Variants in DCAF8L2 observed in about 807,000 individuals in gnomAD.
DCAF8L2 encodes DDB1 and CUL4 associated factor 8 like 2, also known as DDB1- and CUL4-associated factor 8-like protein 2.
For missense variants in DCAF8L2, 430 were observed against 490.7 expected, an observed-to-expected ratio of 0.88 and a Z score of 1.17; for synonymous variants, 200 against 190.9, an observed-to-expected ratio of 1.05 and a Z score of -0.39.
At chrX:27,611,690 G>A (rs1157619621) in intron 1 of DCAF8L2, among the ~76,000 whole-genome samples, 2 of 109,502 alleles carry the variant, frequency 1.8e-5, no homozygotes, top group East Asian at 2.9e-4. Context: ...GAGAACATGC[G>A]ATGTTTGGTT....
chrX:27,559,623 C>G, the DCAF8L2 span, among the ~76,000 whole-genome samples: 2 of 112,133 alleles, frequency 1.8e-5, no homozygotes, highest in South Asian at 7.5e-4. Flanking sequence ...GCCTCCACCT[C>G]TGCCACCGTG....
chrX:27,490,444 GTTTGTTTTTTGTTT>G, the DCAF8L2 span, among the ~76,000 whole-genome samples: 555 of 110,031 alleles, frequency 5.0e-3, 3 homozygotes, highest in South Asian at 0.014. Flanking sequence ...TTGTGTGTTT[GTTTGTTTTTTGTTT>G]TTTGTTTTTT....
intron 1 of DCAF8L2, among the ~76,000 whole-genome samples, chrX:27,597,594 G>A (rs776411540): frequency 3.5e-4 from 39 of 111,696 alleles, no homozygotes; most frequent in Non-Finnish European, 6.6e-4. Context: ...GAAAACATAA[G>A]GTGTTTTCTC....
chrX:27,727,081 A>G (rs1381922789), intron 4 of DCAF8L2, among the ~76,000 whole-genome samples: 1 of 112,023 alleles, frequency 8.9e-6, no homozygotes, highest in African/African-American at 3.2e-5. Context: ...TCAGTCTTTT[A>G]AATTGTAGTA....
At chrX:27,723,989 C>A (rs1403322942) in intron 4 of DCAF8L2, among the ~76,000 whole-genome samples, 2 of 108,916 alleles carry the variant, frequency 1.8e-5, no homozygotes, top group African/African-American at 6.6e-5. Context: ...CTTTTTTTTC[C>A]TAAGAAATGA....
the DCAF8L2 span, among the ~76,000 whole-genome samples, chrX:27,567,232 G>C: frequency 2.5e-4 from 27 of 109,560 alleles, no homozygotes; most frequent in South Asian, 7.9e-4. Flanking sequence ...GTATATGTCT[G>C]TTGGTTCCAT....
At chrX:27,563,191 A>C in the DCAF8L2 span, among the ~76,000 whole-genome samples, 1 of 111,475 alleles carries the variant, frequency 9.0e-6, no homozygotes, top group African/African-American at 3.3e-5. Context: ...ATAGCTTGAG[A>C]GGTTCACCTG....
chrX:27,545,097 T>C, the DCAF8L2 span, among the ~76,000 whole-genome samples: 1 of 111,641 alleles, frequency 9.0e-6, no homozygotes, highest in Non-Finnish European at 1.9e-5. Flanking sequence ...GGAAAAAACA[T>C]GGCTTCAGGA....
At chrX:27,646,955 TTGG>T (rs1265701128) in intron 2 of DCAF8L2, among the ~76,000 whole-genome samples, 1 of 111,719 alleles carries the variant, frequency 9.0e-6, no homozygotes, top group Non-Finnish European at 1.9e-5. Flanking sequence ...TTTTATGCTA[TTGG>T]TGGGAATGTA....
rs199614366 is a variant in DCAF8L2 at position 27,747,088 on chromosome X, G to T, written c.193G>T (p.Asp65Tyr). The change falls in exon 5 of 5, where the codon GAT (aspartate) becomes TAT (tyrosine). Residue 65 changes from aspartate to tyrosine, a missense_variant. Asp to Tyr is a radical substitution (Grantham distance 160). Transcript: ENST00000451261. ...SDSRDGGFPN[D>Y]ASTENRSSDQ... ...TAGCAGGGATGGTGGATTCCCCAACGATGCCAGCACAGAAAATCGAAGCTC... is the reference window on the plus strand; with the variant it reads ...TAGCAGGGATGGTGGATTCCCCAACTATGCCAGCACAGAAAATCGAAGCTC... The T allele has an allele frequency of 8.1e-4, 942 of 1,166,292 alleles. 1 individual carries two copies. The highest frequency in any genetic ancestry group is 1.0e-3 in the Non-Finnish European group (881 of 872,870).
the DCAF8L2 span, among the ~76,000 whole-genome samples, chrX:27,532,903 C>T: frequency 9.5e-6 from 1 of 105,097 alleles, no homozygotes; most frequent in Non-Finnish European, 1.9e-5. Flanking sequence ...TGGCAAAACC[C>T]CATCTCTACT....
At chrX:27,527,516 G>GCTGCACCCACTGTC in the DCAF8L2 span, among the ~76,000 whole-genome samples, 1 of 110,956 alleles carries the variant, frequency 9.0e-6, no homozygotes. Flanking sequence ...CGCTCGGTGG[G>GCTGCACCCACTGTC]CTGCACCCAC....
chrX:27,689,907 A>G (rs891922653), intron 3 of DCAF8L2, among the ~76,000 whole-genome samples: 32 of 112,164 alleles, frequency 2.9e-4, no homozygotes, highest in Admixed American at 4.8e-4. Context: ...AAATAAGAAA[A>G]TAGGAACAAA....
At chrX:27,482,227 G>A in the DCAF8L2 span, among the ~76,000 whole-genome samples, 4 of 111,384 alleles carry the variant, frequency 3.6e-5, no homozygotes, top group South Asian at 7.4e-4. Context: ...ATTTAGAAAC[G>A]TAACAAATCT....
At chrX:27,622,020 G>T (rs1927789128) in intron 1 of DCAF8L2, among the ~76,000 whole-genome samples, 1 of 108,698 alleles carries the variant, frequency 9.2e-6, no homozygotes, top group Non-Finnish European at 1.9e-5. Context: ...AAAAAAAGAT[G>T]TTAGTAAGAA....
At chrX:27,663,286 C>T (rs1287674588) in intron 2 of DCAF8L2, among the ~76,000 whole-genome samples, 2 of 111,997 alleles carry the variant, frequency 1.8e-5, no homozygotes, top group African/African-American at 6.5e-5. Flanking sequence ...TGCTTTATTG[C>T]ACTTGGCAGA....
chrX:27,581,783 C>G, the DCAF8L2 span, among the ~76,000 whole-genome samples: 1 of 111,237 alleles, frequency 9.0e-6, no homozygotes, highest in African/African-American at 3.3e-5. Context: ...GGGGTTTCGC[C>G]ATGTTGGCCA....
At chrX:27,564,948 G>A in the DCAF8L2 span, among the ~76,000 whole-genome samples, 2 of 108,898 alleles carry the variant, frequency 1.8e-5, no homozygotes, top group Admixed American at 2.0e-4. Context: ...CAAAGTACTG[G>A]GATTATAGGC....
chrX:27,514,206 G>GTGTGCTATGTACCTA, the DCAF8L2 span, among the ~76,000 whole-genome samples: 54 of 74,217 alleles, frequency 7.3e-4, 3 homozygotes, highest in Middle Eastern at 6.9e-3. Context: ...ATATGTACAT[G>GTGTGCTATGTACCTA]TATGTGTGCT....
Sources: gnomAD v4.1 joint callset for allele counts (sites outside exome capture counted in the v4.1 genomes callset) on GRCh38, gnomAD v4.1.1 for gene constraint, MANE v1.5 for transcripts, NCBI Gene and HGNC (gene_info 2026-07-23, HGNC 2026-07-21) for gene names.